FGF12: variants seen among roughly 807,000 people sequenced by gnomAD.
FGF12 encodes the protein fibroblast growth factor 12.
In FGF12, 14 loss-of-function variants were observed where a neutral mutation model predicts 23.6. The ratio of observed to expected loss-of-function variants is 0.59; its 90% CI spans 0.39 to 0.93. FGF12 has a LOEUF of 0.93. Among genes scored for constraint, FGF12 ranks in the 40% least tolerant of loss-of-function variants. The pLI is 0.00. For synonymous variants in FGF12, 62 were observed against 77.3 expected, an observed-to-expected ratio of 0.80 and a Z score of 1.04; for missense variants, 175 against 217.8, an observed-to-expected ratio of 0.80 and a Z score of 1.24.
intron 4 of FGF12, among the ~76,000 whole-genome samples, chr3:192,282,110 G>T (rs1222299760): frequency 6.6e-6 from 1 of 152,106 alleles, no homozygotes; most frequent in East Asian, 1.9e-4. Context: ...TTAGTAAAAT[G>T]TGTATTTTAT....
At chr3:192,550,865 T>C (rs1036927295) in intron 2 of FGF12, among the ~76,000 whole-genome samples, 1 of 152,204 alleles carries the variant, frequency 6.6e-6, no homozygotes, top group African/African-American at 2.4e-5. Flanking sequence ...AAGATACGAA[T>C]ACCTTTTTCT....
intron 5 of FGF12, among the ~76,000 whole-genome samples, chr3:192,158,592 G>A (rs115161396): frequency 0.02 from 1,720 of 86,312 alleles, 53 homozygotes; most frequent in African/African-American, 0.081. Flanking sequence ...CTTTCTTCTC[G>A]TCTTTCTCTT....
At chr3:192,379,006 T>C (rs1400786404) in intron 2 of FGF12, among the ~76,000 whole-genome samples, 2 of 152,134 alleles carry the variant, frequency 1.3e-5, no homozygotes, top group Admixed American at 1.3e-4. Context: ...TGAGAACATG[T>C]GGTATTTGGT....
Position 192,487,326 on chromosome 3 carries a change from G to A in FGF12, c.14-126788C>T, listed in dbSNP as rs138512606. Among the ~76,000 whole-genome samples, 537 of 152,218 alleles carry A rather than the reference G, an allele frequency of 3.5e-3. 2 individuals are homozygous for A. Among genetic ancestry groups the A allele is most frequent in the African/African-American group, 0.012 (501 of 41,556 alleles). ...ACCTTGGTAAAGACTATGCCAACTT[G>A]ATCTTTTTTTTCTAAACCTGATCTT... On this transcript the variant is annotated intron_variant, in intron 2 of 5. Coordinates refer to ENST00000445105, the MANE Select transcript of FGF12 (RefSeq NM_004113.6).
chr3:192,706,307 A>T (rs1449061467), intron 2 of FGF12, among the ~76,000 whole-genome samples: 1 of 152,132 alleles, frequency 6.6e-6, no homozygotes, highest in Non-Finnish European at 1.5e-5. Context: ...TAATAATCAC[A>T]TGCTTTTATA....
intron 2 of FGF12, among the ~76,000 whole-genome samples, chr3:192,647,333 A>T (rs1716042460): frequency 6.6e-6 from 1 of 152,110 alleles, no homozygotes; most frequent in African/African-American, 2.4e-5. Context: ...TCAATGAACT[A>T]GAAGGGGTGT....
chr3:192,382,027 C>T (rs901387686), intron 2 of FGF12, among the ~76,000 whole-genome samples: 3 of 151,016 alleles, frequency 2.0e-5, no homozygotes, highest in African/African-American at 4.9e-5. Context: ...GATGGAGTCT[C>T]GCTCTGTCAC....
At chr3:192,187,094 T>A (rs1028721824) in intron 4 of FGF12, among the ~76,000 whole-genome samples, 1 of 152,204 alleles carries the variant, frequency 6.6e-6, no homozygotes, top group African/African-American at 2.4e-5. Context: ...CAGCATCTCA[T>A]CAGTTTAGCT....
chr3:192,388,520 C>A (rs1720151794), intron 2 of FGF12, among the ~76,000 whole-genome samples: 1 of 151,906 alleles, frequency 6.6e-6, no homozygotes, highest in South Asian at 2.1e-4. Flanking sequence ...TTGTAGAGAT[C>A]ACAATTAGAA....
intron 4 of FGF12, among the ~76,000 whole-genome samples, chr3:192,228,351 C>T (rs1419947025): frequency 6.6e-6 from 1 of 152,082 alleles, no homozygotes; most frequent in Non-Finnish European, 1.5e-5. Flanking sequence ...TTCCCTGTGT[C>T]CTGACCTCTT....
rs563555818 is a variant in FGF12 at position 192,523,886 on chromosome 3, A to G, written c.14-163348T>C. Among the ~76,000 whole-genome samples the G allele has an allele frequency of 6.6e-4, 101 of 152,344 alleles. 1 individual carries two copies. The South Asian group carries it at 0.018, about 27-fold the overall frequency. On this transcript the variant is annotated intron_variant, in intron 2 of 5. Transcript: ENST00000445105. ...TGATTGCCGAGGAGGGATGCAAACC[A>G]TGTAAAACCACATAGCAGTATCATG...
At chr3:192,317,162 T>A (rs1031365246) in intron 4 of FGF12, among the ~76,000 whole-genome samples, 1 of 149,326 alleles carries the variant, frequency 6.7e-6, no homozygotes, top group Non-Finnish European at 1.5e-5. Flanking sequence ...CCACATGTAG[T>A]GGCTATAGGA....
intron 4 of FGF12, among the ~76,000 whole-genome samples, chr3:192,251,537 G>T (rs1712012893): frequency 6.6e-6 from 1 of 152,034 alleles, no homozygotes; most frequent in African/African-American, 2.4e-5. Flanking sequence ...AAAATGACTA[G>T]AATATGTTTA....
chr3:192,408,012 G>A lies in FGF12; in HGVS notation c.14-47474C>T. On this transcript the variant is annotated intron_variant, in intron 2 of 5. Coordinates refer to ENST00000445105, the MANE Select transcript of FGF12 (RefSeq NM_004113.6). This position sits in a 1 kb window ranked among gnomAD's most constrained non-coding sequence, Gnocchi z 7.3. ...TCCCCTCTGGGGAGCCCACTCTCCG[G>A]GCTTCTACTGACCTGGTCTCCGCCT... 1 of 1,600,206 alleles carries A rather than the reference G, an allele frequency of 6.2e-7. No individual in the cohort carries two copies. The highest frequency in any genetic ancestry group is 8.5e-7 in the Non-Finnish European group (1 of 1,173,910).
chr3:192,497,957 CCT>C (rs1362850746), intron 2 of FGF12, among the ~76,000 whole-genome samples: 1 of 152,004 alleles, frequency 6.6e-6, no homozygotes, highest in African/African-American at 2.4e-5. Flanking sequence ...TAAAATAGCA[CCT>C]GGCAAACAGT....
intron 4 of FGF12, among the ~76,000 whole-genome samples, chr3:192,319,663 A>C (rs551366950): frequency 1.3e-5 from 2 of 152,238 alleles, no homozygotes; most frequent in African/African-American, 4.8e-5. Context: ...GTATAATAAG[A>C]TATTAATAGA....
chr3:192,502,233 C>T (rs1033825917), intron 2 of FGF12, among the ~76,000 whole-genome samples: 2 of 152,192 alleles, frequency 1.3e-5, no homozygotes, highest in Non-Finnish European at 2.9e-5. Context: ...GTAACAGATG[C>T]TTCCAACGAG....
Position 192,708,045 on chromosome 3 carries a change from C to T in FGF12, c.13+19136G>A, listed in dbSNP as rs536272194. On this transcript the variant is annotated intron_variant, in intron 2 of 5. Transcript: ENST00000445105. ...CGCGATCTCGGCTCACTGCAAGCTCCGCCTCCTGGGTTCACTCCATTCTTC... is the reference window on the plus strand; with the variant it reads ...CGCGATCTCGGCTCACTGCAAGCTCTGCCTCCTGGGTTCACTCCATTCTTC... Among the ~76,000 whole-genome samples, 6 of 152,206 alleles carry T rather than the reference C, an allele frequency of 3.9e-5. No homozygotes were observed. In the East Asian group the frequency reaches 7.7e-4, roughly 20 times the overall value.
At chr3:192,571,523 G>A (rs1712634883) in intron 2 of FGF12, among the ~76,000 whole-genome samples, 1 of 152,278 alleles carries the variant, frequency 6.6e-6, no homozygotes, top group Admixed American at 6.5e-5. Flanking sequence ...CCCACTGCCC[G>A]GGTCCAGACT....
Sources: gnomAD v4.1 joint callset for allele counts (sites outside exome capture counted in the v4.1 genomes callset) on GRCh38, gnomAD v4.1.1 for gene constraint, Gnocchi (gnomAD v3.1) non-coding constraint, MANE v1.5 for transcripts, NCBI Gene and HGNC (gene_info 2026-07-23, HGNC 2026-07-21) for gene names.